The following RYR3 variants were observed in gnomAD, a reference collection of about 807,000 sequenced individuals.
RYR3 encodes brain ryanodine receptor-calcium release channel.
Under a neutral mutation model 584.3 loss-of-function variants are expected in RYR3, and 207 were observed. The observed-to-expected ratio is 0.35, with a 90% CI of 0.32 to 0.40. The LOEUF (loss-of-function observed/expected upper bound fraction) is 0.40, where lower values mean the gene tolerates loss of function less well. Among genes scored for constraint, RYR3 ranks in the 10% least tolerant of loss-of-function variants. The pLI is 1.00. For missense variants in RYR3, 5,616 were observed against 6,089.2 expected, an observed-to-expected ratio of 0.92 and a Z score of 2.59; for synonymous variants, 2,416 against 2,248.5, an observed-to-expected ratio of 1.07 and a Z score of -2.11.
At chr15:33,644,624 C>T (rs2061997776) in intron 28 of RYR3, 105 bp downstream of exon 28, 1 of 799,936 alleles carries the variant, frequency 1.3e-6, no homozygotes, top group African/African-American at 1.7e-5. Flanking sequence ...AAGTCTATGC[C>T]CTGGCCACTT....
chr15:33,756,419 C>A (rs776441907), intron 59 of RYR3, 46 bp downstream of exon 59: 39 of 1,379,730 alleles, frequency 2.8e-5, no homozygotes, highest in Non-Finnish European at 3.8e-5. Context: ...CTTAGGATCT[C>A]TACTATTTAG....
intron 1 of RYR3, among the ~76,000 whole-genome samples, chr15:33,334,623 C>G (rs111737557): frequency 1.3e-5 from 2 of 152,166 alleles, no homozygotes; most frequent in African/African-American, 4.8e-5. Flanking sequence ...TAGGCATAGG[C>G]AAAAATTTCA....
At chr15:33,697,855 G>A (rs2065967338) in intron 39 of RYR3, 27 bp from the exon 40 acceptor site, 1 of 1,438,960 alleles carries the variant, frequency 6.9e-7, no homozygotes, top group Non-Finnish European at 9.8e-7. Context: ...AGCAGGTGCT[G>A]AAGACTCTCT....
Position 33,581,663 on chromosome 15 carries a change from C to G in RYR3, c.1573+20C>G. Reference sequence around the variant, plus strand: ...TGCTGGGTAAGTACACATACAGTGCCTTCTCCCTGGGATGATTTCCATGGG... The same window carrying G: ...TGCTGGGTAAGTACACATACAGTGCGTTCTCCCTGGGATGATTTCCATGGG... On this transcript the variant is annotated intron_variant, in intron 14 of 103. Coordinates refer to ENST00000634891, the MANE Select transcript of RYR3 (RefSeq NM_001036.6). 6.2e-7 allele frequency: 1 copy of G among 1,608,338 alleles called. No homozygotes were observed. Among genetic ancestry groups the G allele is most frequent in the South Asian group, 1.1e-5 (1 of 90,760 alleles).
At position 33,336,445 on chromosome 15, in the gene RYR3, AGAGAGAGAGAG is replaced by A. The variant is rs1971012945; in HGVS notation, c.51+25350_51+25360del. On this transcript the variant is annotated intron_variant, in intron 1 of 103. Transcript: ENST00000634891. ...AAGAAAGAAAGAAAGAAAGAAAGAG[AGAGAGAGAGAG>A]AGAGAGAGAGAGAGAGAGAGAGAGA... Among the ~76,000 whole-genome samples, 7 of 9,706 alleles carry A rather than the reference AGAGAGAGAGAG, an allele frequency of 7.2e-4. 3 individuals carry two copies. The highest frequency in any genetic ancestry group is 6.0e-3 in the African/African-American group (7 of 1,176). 6.4% of individuals were successfully genotyped at this position (9,706 alleles called of 152,430 possible). A position where few individuals can be genotyped will look rare whatever the true frequency, so the allele number is the denominator to read the frequency against.
chr15:33,408,816 G>A (rs541445512), intron 1 of RYR3, among the ~76,000 whole-genome samples: 1 of 152,328 alleles, frequency 6.6e-6, no homozygotes, highest in African/African-American at 2.4e-5. Context: ...GTAGGCAGCA[G>A]AGGACATAAA....
In RYR3 at chr15:33,769,123, A is replaced by G. The variant is rs1472871060; in HGVS notation, c.8767A>G (p.Thr2923Ala). ...TTTTTTTATTCCAGGTAGTGATTCTACTACAATGGTGAGCTGTCTTCACAT... is the reference window on the plus strand; with the variant it reads ...TTTTTTTATTCCAGGTAGTGATTCTGCTACAATGGTGAGCTGTCTTCACAT... ...HRISLFGSDS[T>A]TMVSCLHILA... Residue 2923 changes from threonine to alanine, a missense_variant, in exon 62 of 104, where the codon ACT (threonine) becomes GCT (alanine). Around this residue, in one of 9 missense-constraint regions of RYR3, gnomAD observed 1,280 missense variants for 1,426.2 expected, o/e 0.90. Coordinates refer to ENST00000634891, the MANE Select transcript of RYR3 (RefSeq NM_001036.6). 6.2e-7 allele frequency: 1 copy of G among 1,613,078 alleles called. No individual in the cohort carries two copies. Among genetic ancestry groups the G allele is most frequent in the Admixed American group, 1.7e-5 (1 of 60,018 alleles).
At chr15:33,745,938 TGAG>T (rs2070660753) in intron 52 of RYR3, 127 bp from the exon 53 acceptor site, 3 of 680,176 alleles carry the variant, frequency 4.4e-6, no homozygotes, top group East Asian at 2.7e-5. Context: ...TAGGCATTTT[TGAG>T]GAGAATTTCT....
intron 24 of RYR3, 72 bp downstream of exon 24, chr15:33,633,180 T>A: frequency 6.6e-7 from 1 of 1,518,648 alleles, no homozygotes. Context: ...TTTGCTTTGG[T>A]GTGTGTTAGA....
intron 100 of RYR3, among the ~76,000 whole-genome samples, chr15:33,860,377 G>C (rs1274194321): frequency 6.6e-6 from 1 of 152,192 alleles, no homozygotes; most frequent in African/African-American, 2.4e-5. Context: ...GGAGCAAGTA[G>C]TTAACAGCAC....
In RYR3 at chr15:33,854,896, C is replaced by G; in HGVS notation, c.13991C>G (p.Thr4664Ser). 1.2e-6 allele frequency: 2 copies of G among 1,611,126 alleles called. No homozygotes were observed. The highest frequency in any genetic ancestry group is 1.7e-6 in the Non-Finnish European group (2 of 1,178,904). ...CTGAGGACCATTCTGTCATCTGTAA[C>G]TCACAATGGCAAACAGGTATGGTTT... is the stretch of plus-strand genomic sequence containing the variant. ...KTLRTILSSV[T>S]HNGKQLVLTV... The change falls in exon 98 of 104, where the codon ACT becomes AGT. Residue 4664 changes from threonine to serine, a missense_variant. Transcript: ENST00000634891.
intron 41 of RYR3, 149 bp downstream of exon 41, chr15:33,699,982 G>A: frequency 1.3e-6 from 1 of 792,428 alleles, no homozygotes; most frequent in Non-Finnish European, 1.9e-6. Flanking sequence ...TAAAACAATT[G>A]AAGTAACGAT....
intron 60 of RYR3, among the ~76,000 whole-genome samples, chr15:33,763,366 C>G (rs142370896): frequency 0.018 from 2,664 of 152,048 alleles, 73 homozygotes; most frequent in African/African-American, 0.061. Flanking sequence ...TGCAATCTAT[C>G]TGTCTGACAA....
chr15:33,611,339 G>T (rs569921943), intron 18 of RYR3, among the ~76,000 whole-genome samples: 1 of 152,016 alleles, frequency 6.6e-6, no homozygotes, highest in Non-Finnish European at 1.5e-5. Flanking sequence ...GGCAGATCAC[G>T]AGGTCAGGAG....
At chr15:33,673,086 T>C (rs942803225) in intron 38 of RYR3, among the ~76,000 whole-genome samples, 1 of 152,234 alleles carries the variant, frequency 6.6e-6, no homozygotes, top group Non-Finnish European at 1.5e-5. Context: ...ATACATACCA[T>C]GAGCTACAAA....
chr15:33,766,296 A>AAAG (rs1427037167), intron 60 of RYR3, among the ~76,000 whole-genome samples: 2 of 144,830 alleles, frequency 1.4e-5, no homozygotes, highest in African/African-American at 2.9e-5. Context: ...AAGAAAAAAA[A>AAAG]AAAAAGAAAA....
intron 14 of RYR3, 71 bp from the exon 15 acceptor site, chr15:33,584,324 C>T (rs1487938024): frequency 2.6e-6 from 2 of 782,818 alleles, no homozygotes; most frequent in Non-Finnish European, 4.3e-6. Flanking sequence ...AAATATTCGA[C>T]AGCTTTCCAA....
intron 38 of RYR3, among the ~76,000 whole-genome samples, chr15:33,675,125 C>T (rs2064092346): frequency 6.6e-6 from 1 of 152,150 alleles, no homozygotes. Flanking sequence ...CGTATGCAGG[C>T]TTAGAGTGTT....
chr15:33,316,483 G>C (rs1197271274), intron 1 of RYR3, among the ~76,000 whole-genome samples: 1 of 152,100 alleles, frequency 6.6e-6, no homozygotes, highest in African/African-American at 2.4e-5. Context: ...TTCTAAATTA[G>C]ATATGTTCTT....
Sources: allele counts gnomAD v4.1 joint callset (sites outside exome capture counted in the v4.1 genomes callset), GRCh38; gene constraint gnomAD v4.1.1; regional missense constraint gnomAD v4.1.1; transcripts MANE v1.5; gene names NCBI Gene and HGNC (gene_info 2026-07-23, HGNC 2026-07-21).